Variants in DLD observed in about 807,000 individuals in gnomAD.
The protein encoded by DLD is dihydrolipoamide dehydrogenase, also known as dihydrolipoyl dehydrogenase, mitochondrial.
In DLD, 36 loss-of-function variants were observed where a neutral mutation model predicts 62.2. The ratio of observed to expected loss-of-function variants is 0.58; its 90% CI spans 0.44 to 0.76. The LOEUF is 0.76. DLD is among the 30% of genes least tolerant of loss of function. The probability of loss-of-function intolerance (pLI) is 0.00; values close to 1 mark genes in which losing one functional copy is unlikely to be tolerated. For missense variants in DLD, 541 were observed against 608.6 expected (o/e 0.89, Z 1.17); for synonymous variants, 204 against 199.6 (o/e 1.02, Z -0.19).
chr7:107,911,575 A>G lies in DLD; in HGVS notation c.685-3931A>G, dbSNP rs115262853. The stretch of plus-strand genomic sequence containing the variant: ...GAACACCGTTACACTTTTCCATACA[A>G]TCCCACCAGCAACGTAAATTTTTGT... On this transcript the variant is annotated intron_variant, in intron 8 of 13. Coordinates refer to ENST00000205402, the MANE Select transcript of DLD (RefSeq NM_000108.5). 3.7e-3 allele frequency among the ~76,000 whole-genome samples: 568 copies of G among 152,214 alleles called. 6 individuals carry two copies. Among genetic ancestry groups the G allele is most frequent in the African/African-American group, 0.013 (544 of 41,540 alleles).
At chr7:107,895,278 GT>G (rs1284671008) in intron 2 of DLD, among the ~76,000 whole-genome samples, 1 of 152,164 alleles carries the variant, frequency 6.6e-6, no homozygotes, top group East Asian at 1.9e-4. Flanking sequence ...CACTGTTAAT[GT>G]TTTATTGAGT....
upstream of DLD, chr7:107,891,111 C>G: frequency 9.2e-7 from 1 of 1,086,230 alleles, no homozygotes; most frequent in South Asian, 1.3e-5. Flanking sequence ...TGCGGTAGAA[C>G]CGCGCGGGCC....
At chr7:107,894,751 A>G (rs2031675473) in intron 2 of DLD, among the ~76,000 whole-genome samples, 1 of 152,258 alleles carries the variant, frequency 6.6e-6, no homozygotes, top group African/African-American at 2.4e-5. Flanking sequence ...GTGTTCCATA[A>G]TCAGTTTGGT....
intron 2 of DLD, among the ~76,000 whole-genome samples, chr7:107,897,609 C>A (rs2031760512): frequency 7.6e-6 from 1 of 132,166 alleles, no homozygotes; most frequent in Non-Finnish European, 1.5e-5. Flanking sequence ...AACTTGGTCT[C>A]ACTCTATCAT....
At position 107,906,270 on chromosome 7, in the gene DLD, G is replaced by T. The variant is rs2116225506; in HGVS notation, c.586G>T (p.Asp196Tyr). ...ATATCTTTTGTTTTTCTTACAGATA[G>T]ATGAAGATACAATAGTGTCATCTAC... ...EVTPFPGITI[D>Y]EDTIVSSTGA... Residue 196 changes from aspartate to tyrosine, a missense_variant, in exon 8 of 14, where the codon GAT becomes TAT. Physicochemically the swap from Asp to Tyr is radical, Grantham distance 160 (BLOSUM62 -3). Transcript: ENST00000205402. 1.3e-6 allele frequency: 2 copies of T among 1,552,762 alleles called. No individual in the cohort carries two copies. Among genetic ancestry groups the T allele is most frequent in the South Asian group, 1.1e-5 (1 of 89,682 alleles).
chr7:107,891,428 C>T, intron 1 of DLD, 139 bp downstream of exon 1: 2 of 937,576 alleles, frequency 2.1e-6, no homozygotes, highest in South Asian at 1.4e-5. Context: ...CGCCTCTGCA[C>T]TGGCTCAGCC....
intron 12 of DLD, 49 bp downstream of exon 12, chr7:107,918,110 T>C (rs1238729045): frequency 1.9e-6 from 3 of 1,609,488 alleles, no homozygotes; most frequent in Non-Finnish European, 2.6e-6. Context: ...CTAGAAAGCA[T>C]TGCTGTTTAT....
chr7:107,891,353 C>G, intron 1 of DLD, 64 bp downstream of exon 1: 1 of 1,585,368 alleles, frequency 6.3e-7, no homozygotes, highest in South Asian at 1.1e-5. Context: ...TCAGTGGGTC[C>G]GGTACGCGGC....
intron 9 of DLD, among the ~76,000 whole-genome samples, chr7:107,916,346 T>C (rs546362554): frequency 1.1e-4 from 17 of 152,344 alleles, no homozygotes; most frequent in East Asian, 7.7e-4. Flanking sequence ...CTGACTCTTA[T>C]GTTTATATTC....
chr7:107,917,209 G>A (rs1452348371), intron 10 of DLD, 64 bp from the exon 11 acceptor site: 2 of 1,581,900 alleles, frequency 1.3e-6, no homozygotes, highest in African/African-American at 2.7e-5. Flanking sequence ...TTACCATAAT[G>A]TAACTGAAGG....
At chr7:107,909,548 C>T (rs995593647) in intron 8 of DLD, among the ~76,000 whole-genome samples, 2 of 152,096 alleles carry the variant, frequency 1.3e-5, no homozygotes, top group African/African-American at 2.4e-5. Flanking sequence ...TTTTTAACAC[C>T]TTGCTGATAT....
At position 107,907,782 on chromosome 7, in the gene DLD, G is replaced by A. The variant is rs112437439; in HGVS notation, c.684+1414G>A. On this transcript the variant is annotated intron_variant, in intron 8 of 13. Transcript: ENST00000205402. ...AACACAGGTTTGTGTGCACATAAAT[G>A]CTCCTTATCTTGGTCCCATGTCCTT... Among the ~76,000 whole-genome samples the A allele has an allele frequency of 9.1e-3, 1,389 of 152,288 alleles. 19 individuals carry two copies. The highest frequency in any genetic ancestry group is 0.032 in the African/African-American group (1,319 of 41,552).
In DLD at chr7:107,902,396, G is replaced by A. The variant is rs375860806; in HGVS notation, c.267+3G>A. The A allele has an allele frequency of 6.2e-7, 1 of 1,613,706 alleles. No homozygotes were observed. The highest frequency in any genetic ancestry group is 1.1e-5 in the South Asian group (1 of 91,066). ...ATGTTGGTTGTATTCCTTCTAAGGT[G>A]AGCATGTGTTTTGTACAGCACAGAG... On this transcript the variant is annotated splice_donor_region_variant and intron_variant, in intron 4 of 13. Transcript: ENST00000205402.
chr7:107,916,937 A>G lies in DLD; in HGVS notation c.1019A>G (p.Asn340Ser). 1.9e-6 allele frequency: 3 copies of G among 1,614,022 alleles called. No homozygotes were observed. The highest frequency in any genetic ancestry group is 2.5e-6 in the Non-Finnish European group (3 of 1,180,000). Residue 340 changes from asparagine to serine, a missense_variant, in exon 10 of 14, where the codon AAT becomes AGT. Transcript: ENST00000205402. ...ELDPRGRIPV[N>S]TRFQTKIPNI... ...GATCCCAGAGGTAGAATTCCAGTCAATACCAGATTTCAAACTAAAATTCCA... is the reference window on the plus strand; with the variant it reads ...GATCCCAGAGGTAGAATTCCAGTCAGTACCAGATTTCAAACTAAAATTCCA...
chr7:107,901,238 T>C (rs2031868266), intron 2 of DLD, among the ~76,000 whole-genome samples: 1 of 152,160 alleles, frequency 6.6e-6, no homozygotes, highest in African/African-American at 2.4e-5. Context: ...TAAAATTATC[T>C]TATTTAATTC....
At chr7:107,891,576 C>T (rs2031576178) in intron 1 of DLD, 8 of 576,058 alleles carry the variant, frequency 1.4e-5, no homozygotes, top group Middle Eastern at 4.6e-4. Flanking sequence ...GGCCGAGGGC[C>T]ATCCCGGTCA....
intron 12 of DLD, 107 bp downstream of exon 12, chr7:107,918,168 A>C: frequency 7.8e-7 from 1 of 1,289,200 alleles, no homozygotes; most frequent in Non-Finnish European, 1.1e-6. Context: ...ATTTCCAGCA[A>C]AACTTTGAAT....
intron 9 of DLD, 118 bp downstream of exon 9, chr7:107,915,814 C>T: frequency 1.2e-6 from 1 of 809,142 alleles, no homozygotes; most frequent in Non-Finnish European, 2.0e-6. Context: ...CATTTTATTA[C>T]TTAATATAAC....
chr7:107,897,151 CT>C (rs1188739914), intron 2 of DLD, among the ~76,000 whole-genome samples: 2 of 152,062 alleles, frequency 1.3e-5, no homozygotes, highest in South Asian at 2.1e-4. Context: ...CTGATTTTAC[CT>C]TTATTTTGAC....
Sources: allele counts gnomAD v4.1 joint callset (sites outside exome capture counted in the v4.1 genomes callset), GRCh38; gene constraint gnomAD v4.1.1; transcripts MANE v1.5; gene names NCBI Gene and HGNC (gene_info 2026-07-23, HGNC 2026-07-21).